ST7: variants seen among roughly 807,000 people sequenced by gnomAD.
The protein encoded by ST7 is suppression of tumorigenicity 7, also known as suppressor of tumorigenicity 7 protein.
Under a neutral mutation model 78.7 loss-of-function variants are expected in ST7, and 28 were observed. The observed-to-expected ratio is 0.36, with a 90% confidence interval of 0.26 to 0.49. The LOEUF is 0.49. Among genes scored for constraint, ST7 ranks in the 20% least tolerant of loss-of-function variants. The pLI is 0.99. For missense variants in ST7, 418 were observed against 696.0 expected (o/e 0.60, Z 4.49); for synonymous variants, 247 against 249.6 (o/e 0.99, Z 0.10).
At chr7:117,160,621 A>G (rs1399355209) in intron 9 of ST7, among the ~76,000 whole-genome samples, 1 of 151,798 alleles carries the variant, frequency 6.6e-6, no homozygotes, top group Non-Finnish European at 1.5e-5. Context: ...TGTATATATT[A>G]CATATACACA....
At chr7:117,031,539 T>A (rs74211159) in intron 1 of ST7, among the ~76,000 whole-genome samples, 19 of 1,488 alleles carry the variant, frequency 0.013, 8 homozygotes, top group East Asian at 0.05. Context: ...CATATATGTG[T>A]GTATATGTGC....
chr7:117,215,661 A>C (rs567250158), intron 13 of ST7, among the ~76,000 whole-genome samples: 29 of 152,292 alleles, frequency 1.9e-4, no homozygotes, highest in African/African-American at 7.0e-4. Flanking sequence ...TTTAGATGCC[A>C]CTTTGGCCGC....
At chr7:117,067,913 G>A (rs540940798) in intron 1 of ST7, among the ~76,000 whole-genome samples, 2 of 152,302 alleles carry the variant, frequency 1.3e-5, no homozygotes, top group South Asian at 4.2e-4. Flanking sequence ...TGTTGACATG[G>A]TGTTGGCTGA....
chr7:117,085,304 C>G (rs569458006), intron 1 of ST7, among the ~76,000 whole-genome samples: 1 of 152,138 alleles, frequency 6.6e-6, no homozygotes, highest in Non-Finnish European at 1.5e-5. Flanking sequence ...TCTCATGTTA[C>G]ATTCCCATCA....
intron 1 of ST7, among the ~76,000 whole-genome samples, chr7:116,977,955 T>G (rs918229388): frequency 6.6e-6 from 1 of 152,216 alleles, no homozygotes; most frequent in Non-Finnish European, 1.5e-5. Flanking sequence ...GAGATACAAT[T>G]CATAACCCCA....
chr7:117,108,316 A>G (rs1318501120), intron 2 of ST7, among the ~76,000 whole-genome samples: 1 of 152,154 alleles, frequency 6.6e-6, no homozygotes, highest in East Asian at 1.9e-4. Flanking sequence ...GTGACTTGCC[A>G]ATTATCCCAG....
At chr7:117,045,135 G>T (rs573816574) in intron 1 of ST7, among the ~76,000 whole-genome samples, 1 of 151,924 alleles carries the variant, frequency 6.6e-6, no homozygotes, top group Admixed American at 6.6e-5. Context: ...CCAAGACACC[G>T]TCTTCTGCCT....
intron 1 of ST7, among the ~76,000 whole-genome samples, chr7:117,008,832 A>G (rs1368422180): frequency 6.6e-6 from 1 of 152,170 alleles, no homozygotes; most frequent in African/African-American, 2.4e-5. Context: ...GGTTTGGCAA[A>G]CTGTAGCCCA....
intron 10 of ST7, among the ~76,000 whole-genome samples, chr7:117,184,618 T>A (rs920411136): frequency 6.6e-6 from 1 of 152,120 alleles, no homozygotes; most frequent in African/African-American, 2.4e-5. Flanking sequence ...GGGACATGTT[T>A]GAGGAAGGAC....
intron 1 of ST7, among the ~76,000 whole-genome samples, chr7:117,020,980 G>A (rs1381289369): frequency 6.6e-6 from 1 of 152,162 alleles, no homozygotes; most frequent in Non-Finnish European, 1.5e-5. Context: ...GGGAGGATCT[G>A]AGATGATAGT....
In ST7 at chr7:117,069,406, T is replaced by G. The variant is rs541935056; in HGVS notation, c.152-30356T>G. ...AATTTCAATGGGCATACAGTATAACTTAAGTTTTCTGGATGTAGATTTTGC... is the reference window on the plus strand; with the variant it reads ...AATTTCAATGGGCATACAGTATAACGTAAGTTTTCTGGATGTAGATTTTGC... On this transcript the variant is annotated intron_variant, in intron 1 of 15. Coordinates refer to ENST00000323984, the MANE Select transcript of ST7 (RefSeq NM_001369598.1). Among the ~76,000 whole-genome samples, 3 of 152,352 alleles carry G rather than the reference T, an allele frequency of 2.0e-5. No individual in the cohort carries two copies. The South Asian group carries it at 6.2e-4, about 32-fold the overall frequency.
chr7:116,993,359 A>C (rs953034461), intron 1 of ST7, among the ~76,000 whole-genome samples: 3 of 152,206 alleles, frequency 2.0e-5, no homozygotes, highest in Admixed American at 6.5e-5. Flanking sequence ...ATGGCAGCAG[A>C]AAGAGAAAAT....
chr7:117,227,803 G>A (rs1033066241), intron 15 of ST7, among the ~76,000 whole-genome samples: 6 of 152,084 alleles, frequency 3.9e-5, no homozygotes, highest in East Asian at 3.9e-4. Flanking sequence ...CATCTATTCC[G>A]TAGGGTGGTT....
At chr7:117,063,362 G>A (rs998835847) in intron 1 of ST7, among the ~76,000 whole-genome samples, 5 of 152,068 alleles carry the variant, frequency 3.3e-5, no homozygotes, top group Admixed American at 1.3e-4. Context: ...GTTCATTTTT[G>A]TTTCTTTCAA....
intron 9 of ST7, among the ~76,000 whole-genome samples, chr7:117,154,185 A>G (rs755695351): frequency 5.3e-5 from 8 of 152,150 alleles, no homozygotes; most frequent in Non-Finnish European, 8.8e-5. Context: ...TAGAGCCCTT[A>G]CAGATAAGAC....
At chr7:117,102,575 T>C (rs989254207) in intron 2 of ST7, among the ~76,000 whole-genome samples, 15 of 152,306 alleles carry the variant, frequency 9.8e-5, no homozygotes, top group African/African-American at 3.6e-4. Flanking sequence ...TCCAAAGGTT[T>C]CTAACTTTAT....
intron 15 of ST7, 21 bp from the exon 16 acceptor site, chr7:117,229,741 G>A (rs766320636): frequency 5.5e-5 from 88 of 1,594,744 alleles, no homozygotes; most frequent in Non-Finnish European, 4.1e-5. Context: ...TGACTTCTGT[G>A]TCTGTCTGGT....
At chr7:117,224,164 G>A (rs1055655743) in intron 15 of ST7, among the ~76,000 whole-genome samples, 1 of 152,128 alleles carries the variant, frequency 6.6e-6, no homozygotes, top group African/African-American at 2.4e-5. Context: ...TCCTTGTACT[G>A]TAAAAATCTG....
At chr7:117,194,925 C>T (rs905287360) in intron 12 of ST7, among the ~76,000 whole-genome samples, 2 of 152,234 alleles carry the variant, frequency 1.3e-5, no homozygotes, top group Non-Finnish European at 2.9e-5. Context: ...CCTTTCACTG[C>T]GAGGAGACAC....
Sources: allele counts gnomAD v4.1 joint callset (sites outside exome capture counted in the v4.1 genomes callset), GRCh38; gene constraint gnomAD v4.1.1; transcripts MANE v1.5; gene names NCBI Gene and HGNC (gene_info 2026-07-23, HGNC 2026-07-21).